The following DNAH7 variants were observed in gnomAD, a reference collection of about 807,000 sequenced individuals.
DNAH7 encodes the protein dynein axonemal heavy chain 7.
Under a neutral mutation model 444.6 loss-of-function variants are expected in DNAH7, and 397 were observed. That is an observed-to-expected ratio of 0.89 (90% CI 0.82 to 0.97). The LOEUF (loss-of-function observed/expected upper bound fraction) is 0.97. Among genes scored for constraint, DNAH7 ranks in the 50% least tolerant of loss-of-function variants. The pLI, the probability that DNAH7 is intolerant of heterozygous loss-of-function variation, is 0.00. For synonymous variants in DNAH7, 1,636 were observed against 1,624.4 expected (o/e 1.01, Z -0.17); for missense variants, 4,902 against 4,800.8 (o/e 1.02, Z -0.62).
chr2:196,011,744 A>G (rs964172213), intron 10 of DNAH7, among the ~76,000 whole-genome samples: 1 of 152,170 alleles, frequency 6.6e-6, no homozygotes, highest in African/African-American at 2.4e-5. Context: ...ACAGCTAATC[A>G]ATCTGCATTT....
chr2:195,749,514 T>C (rs1693647827), intron 63 of DNAH7, among the ~76,000 whole-genome samples: 1 of 152,182 alleles, frequency 6.6e-6, no homozygotes, highest in Non-Finnish European at 1.5e-5. Flanking sequence ...ATCATGCTGC[T>C]ATTAAGACAC....
At chr2:195,988,282 T>C (rs552305716) in intron 12 of DNAH7, 53 bp from the exon 13 acceptor site, 2 of 1,411,400 alleles carry the variant, frequency 1.4e-6, no homozygotes, top group Admixed American at 4.9e-5. Flanking sequence ...AGTAACTATA[T>C]CATTTATCTT....
chr2:195,824,758 ATCC>A, intron 48 of DNAH7, among the ~76,000 whole-genome samples: 1 of 152,266 alleles, frequency 6.6e-6, no homozygotes, highest in South Asian at 2.1e-4. Context: ...AGTGAAGTTT[ATCC>A]ATCTGAGACA....
chr2:195,956,428 A>G (rs1288293521), intron 19 of DNAH7, among the ~76,000 whole-genome samples: 2 of 152,168 alleles, frequency 1.3e-5, no homozygotes, highest in Admixed American at 6.5e-5. Context: ...AGGCGGGTGG[A>G]TCACTTGAGG....
chr2:195,855,787 A>G (rs1317632531), intron 45 of DNAH7, 24 bp downstream of exon 45: 1 of 1,606,892 alleles, frequency 6.2e-7, no homozygotes, highest in Admixed American at 1.7e-5. Context: ...GAATTTGTCC[A>G]TCTTTTTCTA....
At chr2:195,778,638 AAAT>A (rs1695202982) in intron 58 of DNAH7, among the ~76,000 whole-genome samples, 1 of 52,310 alleles carries the variant, frequency 1.9e-5, no homozygotes, top group Non-Finnish European at 3.6e-5. Flanking sequence ...AAAAATAAAT[AAAT>A]AAATATATAT....
intron 57 of DNAH7, among the ~76,000 whole-genome samples, chr2:195,788,389 G>A (rs2105976475): frequency 6.6e-6 from 1 of 152,312 alleles, no homozygotes; most frequent in Non-Finnish European, 1.5e-5. Context: ...TTGAATAAAA[G>A]TTGAAGTAAT....
intron 32 of DNAH7, among the ~76,000 whole-genome samples, 168 bp from the exon 33 acceptor site, chr2:195,888,602 T>C (rs1701841289): frequency 6.6e-6 from 1 of 152,160 alleles, no homozygotes. Context: ...CAAATAGTCC[T>C]AAACCAAGAG....
At chr2:195,936,334 A>G (rs1184640275) in intron 20 of DNAH7, among the ~76,000 whole-genome samples, 3 of 152,116 alleles carry the variant, frequency 2.0e-5, no homozygotes, top group East Asian at 1.9e-4. Context: ...AGGTCGCGCC[A>G]TTGCACTCCA....
chr2:195,927,850 G>A (rs957781), intron 21 of DNAH7, among the ~76,000 whole-genome samples: 13,847 of 152,110 alleles, frequency 0.091, 705 homozygotes, highest in African/African-American at 0.13. Context: ...TTGTAGAACT[G>A]TATACTGCAC....
At chr2:195,808,382 TCTG>T (rs1168633412) in intron 53 of DNAH7, among the ~76,000 whole-genome samples, 3 of 152,208 alleles carry the variant, frequency 2.0e-5, no homozygotes, top group South Asian at 4.1e-4. Flanking sequence ...CTTTAACTCA[TCTG>T]CTATTAGGAT....
intron 22 of DNAH7, among the ~76,000 whole-genome samples, chr2:195,925,138 TA>T (rs1274701232): frequency 6.8e-6 from 1 of 146,754 alleles, no homozygotes; most frequent in African/African-American, 2.6e-5. Flanking sequence ...CATCTTTTTT[TA>T]TTTTTTTTTT....
At chr2:195,778,669 T>TATATATATAC (rs1446625777) in intron 58 of DNAH7, among the ~76,000 whole-genome samples, 4 of 64,064 alleles carry the variant, frequency 6.2e-5, no homozygotes, top group African/African-American at 2.3e-4. Flanking sequence ...TATATATATA[T>TATATATATAC]ACACACACAC....
intron 55 of DNAH7, among the ~76,000 whole-genome samples, chr2:195,797,365 C>A (rs1696200568): frequency 1.3e-5 from 2 of 152,134 alleles, no homozygotes; most frequent in South Asian, 2.1e-4. Context: ...GGGGTCTCAG[C>A]CCCTCCCGAA....
intron 46 of DNAH7, 138 bp downstream of exon 46, chr2:195,853,205 C>A: frequency 1.5e-6 from 1 of 660,780 alleles, no homozygotes; most frequent in Non-Finnish European, 2.3e-6. Flanking sequence ...AATTAAAATA[C>A]ACAAGCAGAA....
At chr2:196,039,213 T>C (rs922384195) in intron 5 of DNAH7, among the ~76,000 whole-genome samples, 9 of 152,204 alleles carry the variant, frequency 5.9e-5, no homozygotes, top group Middle Eastern at 6.8e-3. Flanking sequence ...AGAGCAACTT[T>C]GAAAACAGTA....
In DNAH7 at chr2:195,877,245, ACT is replaced by A. The variant is rs141270799; in HGVS notation, c.5962-548_5962-547del. 9.5e-3 allele frequency among the ~76,000 whole-genome samples: 1,441 copies of A among 152,154 alleles called. 25 individuals are homozygous for A. The highest frequency in any genetic ancestry group is 0.032 in the African/African-American group (1,346 of 41,510). ...CTTCAAAATAAAATTGCCTCTCCTC[ACT>A]CTTTCTTCCCCTTCCCTCCCTCAAG... is the stretch of plus-strand genomic sequence containing the variant. On this transcript the variant is annotated intron_variant, in intron 36 of 64. Transcript: ENST00000312428.
chr2:195,817,866 T>C, intron 49 of DNAH7, 37 bp from the exon 50 acceptor site: 2 of 1,479,008 alleles, frequency 1.4e-6, no homozygotes, highest in Non-Finnish European at 1.8e-6. Context: ...TACATCATTA[T>C]TTCTGTTAAA....
rs750451879 is a variant in DNAH7, at chr2:195,960,890, G to A, written c.2261C>T (p.Pro754Leu). 4 of 1,612,858 alleles carry A rather than the reference G, an allele frequency of 2.5e-6. No individual in the cohort carries two copies. Among genetic ancestry groups the A allele is most frequent in the Non-Finnish European group, 3.4e-6 (4 of 1,179,364 alleles). The change falls in exon 18 of 65, where the codon CCT (proline) becomes CTT (leucine). Residue 754 changes from proline (P) to leucine (L), a missense_variant. Physicochemically the swap from Pro to Leu is moderately conservative, Grantham distance 98. Coordinates refer to ENST00000312428, the MANE Select transcript of DNAH7 (RefSeq NM_018897.3). ...GCCATCTTGGATTTTTTTACGTTGA[G>A]GATATACAGATGGTAGCCAACCAAA... Reference protein sequence around the residue: ...EAFGWLPSVYPQRKKIQDGLN... With the variant: ...EAFGWLPSVYLQRKKIQDGLN...
Sources: allele counts gnomAD v4.1 joint callset (sites outside exome capture counted in the v4.1 genomes callset), GRCh38; gene constraint gnomAD v4.1.1; transcripts MANE v1.5; gene names NCBI Gene and HGNC (gene_info 2026-07-23, HGNC 2026-07-21).